ANKRD17: variants seen among roughly 807,000 people sequenced by gnomAD.
ANKRD17 encodes ankyrin repeat domain 17, also known as ankyrin repeat domain-containing protein 17.
In ANKRD17, 19 loss-of-function variants were observed where a neutral mutation model predicts 229.7. The observed-to-expected ratio is 0.08, with a 90% CI of 0.06 to 0.12. The LOEUF (loss-of-function observed/expected upper bound fraction) is 0.12. ANKRD17 is among the 10% of genes least tolerant of loss of function. The pLI, the probability that ANKRD17 is intolerant of heterozygous loss-of-function variation, is 1.00. For synonymous variants in ANKRD17, 1,112 were observed against 1,146.1 expected, an observed-to-expected ratio of 0.97 and a Z score of 0.60; for missense variants, 2,176 against 3,176.8, an observed-to-expected ratio of 0.68 and a Z score of 7.57.
chr4:73,087,354 G>T (rs1199003111), intron 29 of ANKRD17, among the ~76,000 whole-genome samples: 1 of 152,004 alleles, frequency 6.6e-6, no homozygotes, highest in African/African-American at 2.4e-5. Context: ...CAAAGTGTTG[G>T]GATTACAAGT....
At chr4:73,088,941 T>C (rs1372991178) in intron 29 of ANKRD17, among the ~76,000 whole-genome samples, 1 of 152,202 alleles carries the variant, frequency 6.6e-6, no homozygotes, top group Non-Finnish European at 1.5e-5. Flanking sequence ...AGTAGCCTTA[T>C]ACAATATGCA....
At chr4:73,142,847 A>G in intron 11 of ANKRD17, 80 bp from the exon 12 acceptor site, 2 of 1,463,240 alleles carry the variant, frequency 1.4e-6, no homozygotes, top group Non-Finnish European at 1.8e-6. Context: ...AATCATGAAG[A>G]GTAGAGAAAA....
At position 73,258,718 on chromosome 4, in the gene ANKRD17, C is replaced by G. The variant is rs370786613; in HGVS notation, c.-50G>C. On this transcript the variant is annotated 5_prime_UTR_variant, in exon 1 of 34. Transcript: ENST00000358602. ...GACGGGGGAGGGGCGTGGGGCTACG[C>G]TCTACCGCGACTTCGGCCGCACTGG... 7.2e-7 allele frequency: 1 copy of G among 1,396,916 alleles called. No individual in the cohort carries two copies. Among genetic ancestry groups the G allele is most frequent in the East Asian group, 3.0e-5 (1 of 33,760 alleles). 86.5% of individuals were successfully genotyped at this position (1,396,916 alleles called of 1,614,324 possible). A position where few individuals can be genotyped will look rare whatever the true frequency, so the allele number is the denominator to read the frequency against.
chr4:73,251,292 A>G (rs1745000738), intron 1 of ANKRD17, among the ~76,000 whole-genome samples: 1 of 152,202 alleles, frequency 6.6e-6, no homozygotes, highest in Admixed American at 6.5e-5. Context: ...ATTATAAATC[A>G]TTATAAAAAT....
chr4:73,089,280 C>T (rs1243815927), intron 29 of ANKRD17, among the ~76,000 whole-genome samples: 1 of 151,988 alleles, frequency 6.6e-6, no homozygotes, highest in African/African-American at 2.4e-5. Flanking sequence ...AAGCAATCGA[C>T]CCACCTCAGC....
chr4:73,136,304 C>A (rs140631993), intron 15 of ANKRD17, among the ~76,000 whole-genome samples: 41 of 152,132 alleles, frequency 2.7e-4, no homozygotes, highest in African/African-American at 9.2e-4. Flanking sequence ...CTACATCAGA[C>A]AGAAAACAAT....
intron 1 of ANKRD17, among the ~76,000 whole-genome samples, chr4:73,196,204 G>A (rs953106300): frequency 6.6e-6 from 1 of 151,568 alleles, no homozygotes; most frequent in African/African-American, 2.4e-5. Flanking sequence ...TGCCATGATG[G>A]TTAGGCTGGT....
chr4:73,153,362 A>G (rs932464796), intron 6 of ANKRD17, among the ~76,000 whole-genome samples: 1 of 152,170 alleles, frequency 6.6e-6, no homozygotes, highest in East Asian at 1.9e-4. Context: ...AAAAAGTAAA[A>G]CACCTTACTT....
chr4:73,082,131 C>CAG (rs1240519702), intron 30 of ANKRD17, among the ~76,000 whole-genome samples: 2 of 124,280 alleles, frequency 1.6e-5, no homozygotes, highest in Non-Finnish European at 3.3e-5. Flanking sequence ...GCCTGGGCAA[C>CAG]AGAGAGATAC....
chr4:73,188,045 C>T (rs1736528624), intron 1 of ANKRD17, among the ~76,000 whole-genome samples: 1 of 152,122 alleles, frequency 6.6e-6, no homozygotes, highest in African/African-American at 2.4e-5. Flanking sequence ...AAAACAAAAA[C>T]CTGATCATAT....
In ANKRD17 at chr4:73,208,794, T is replaced by C. The variant is rs559748483; in HGVS notation, c.394-31261A>G. ...ATAGAGGGAAACTTATAGTGTTTAATATTAGTAGTAGAAAAGAAGAAAGAT... is the reference window on the plus strand; with the variant it reads ...ATAGAGGGAAACTTATAGTGTTTAACATTAGTAGTAGAAAAGAAGAAAGAT... On this transcript the variant is annotated intron_variant, in intron 1 of 33. Transcript: ENST00000358602. Among the ~76,000 whole-genome samples, 81 of 152,276 alleles carry C rather than the reference T, an allele frequency of 5.3e-4. 1 individual carries two copies. In the South Asian group the frequency reaches 0.016, roughly 29 times the overall value.
intron 1 of ANKRD17, among the ~76,000 whole-genome samples, 192 bp downstream of exon 1, chr4:73,258,084 C>G (rs1216998322): frequency 6.6e-6 from 1 of 151,880 alleles, no homozygotes; most frequent in Non-Finnish European, 1.5e-5. Context: ...CTCCCACCCC[C>G]ACGTGTCAGC....
intron 1 of ANKRD17, among the ~76,000 whole-genome samples, chr4:73,238,079 T>G (rs1743669213): frequency 6.6e-6 from 1 of 151,266 alleles, no homozygotes; most frequent in East Asian, 1.9e-4. Flanking sequence ...AAATAAGGGA[T>G]TCTCCTAAAT....
chr4:73,212,754 G>A (rs947618019), intron 1 of ANKRD17, among the ~76,000 whole-genome samples: 1 of 151,868 alleles, frequency 6.6e-6, no homozygotes, highest in African/African-American at 2.4e-5. Context: ...AGTGGCTCAC[G>A]CCTGTAATAC....
At position 73,098,358 on chromosome 4, in the gene ANKRD17, T is replaced by C; in HGVS notation, c.4736A>G (p.Glu1579Gly). Residue 1579 changes from glutamate to glycine, a missense_variant, in exon 26 of 34, where the codon GAA becomes GGA. By Grantham distance (98) the Glu-to-Gly change is moderately conservative. This residue lies in a region of ANKRD17 where 105 missense variants were observed against 118.3 expected (regional missense o/e 0.89). Transcript: ENST00000358602. ...RKNRKNKITP[E>G]NVQIIFDDPL... ...ATCATCAAATATAATTTGAACGTTTTCTGGAGTAATTTTATTTTTCCTGTT... is the reference window on the plus strand; with the variant it reads ...ATCATCAAATATAATTTGAACGTTTCCTGGAGTAATTTTATTTTTCCTGTT... 6.2e-7 allele frequency: 1 copy of C among 1,614,230 alleles called. No individual in the cohort carries two copies. Among genetic ancestry groups the C allele is most frequent in the Non-Finnish European group, 8.5e-7 (1 of 1,180,044 alleles).
intron 1 of ANKRD17, among the ~76,000 whole-genome samples, chr4:73,237,624 T>C (rs1162923588): frequency 6.6e-6 from 1 of 152,176 alleles, no homozygotes; most frequent in Non-Finnish European, 1.5e-5. Flanking sequence ...TCCTGAGATT[T>C]AGAAAACAGC....
chr4:73,184,060 C>T (rs1735933830), intron 1 of ANKRD17, among the ~76,000 whole-genome samples: 1 of 152,138 alleles, frequency 6.6e-6, no homozygotes, highest in Non-Finnish European at 1.5e-5. Context: ...AATCCTTCTA[C>T]ACTCAAAACA....
chr4:73,101,134 T>C, intron 25 of ANKRD17: 2 of 866,460 alleles, frequency 2.3e-6, no homozygotes, highest in Non-Finnish European at 2.8e-6. Context: ...GACTTGAGTA[T>C]CTGAATTTTG....
intron 2 of ANKRD17, among the ~76,000 whole-genome samples, chr4:73,169,631 T>C (rs1733706061): frequency 6.6e-6 from 1 of 152,080 alleles, no homozygotes; most frequent in Admixed American, 6.6e-5. Context: ...GCACACACAG[T>C]GCCTGGTTTT....
Sources: allele counts gnomAD v4.1 joint callset (sites outside exome capture counted in the v4.1 genomes callset), GRCh38; gene constraint gnomAD v4.1.1; regional missense constraint gnomAD v4.1.1; transcripts MANE v1.5; gene names NCBI Gene and HGNC (gene_info 2026-07-23, HGNC 2026-07-21).